Variants in ASB14 observed in about 807,000 individuals in gnomAD.
ASB14 encodes the protein ankyrin repeat and SOCS box protein 14.
ASB14 carries 63 observed loss-of-function variants against 55.6 expected under a neutral mutation model. The observed-to-expected ratio is 1.13, with a 90% confidence interval of 0.92 to 1.40. ASB14 has a LOEUF of 1.40. Ranked by LOEUF, ASB14 falls within the 40% of genes most tolerant of loss-of-function variation. The pLI, the probability that ASB14 is intolerant of heterozygous loss-of-function variation, is 0.00. For synonymous variants in ASB14, 256 were observed against 259.9 expected, an observed-to-expected ratio of 0.98 and a Z score of 0.15; for missense variants, 724 against 710.4, an observed-to-expected ratio of 1.02 and a Z score of -0.22.
chr3:57,278,274 TCAAC>T (rs1323202903), intron 8 of ASB14, 99 bp downstream of exon 8: 19 of 855,160 alleles, frequency 2.2e-5, no homozygotes, highest in Middle Eastern at 2.6e-4. Flanking sequence ...TAGGATCTCT[TCAAC>T]CAAGCCTCTG....
intron 2 of ASB14, 95 bp downstream of exon 2, chr3:57,291,817 C>G (rs889329256): frequency 3.1e-5 from 34 of 1,098,364 alleles, no homozygotes; most frequent in Non-Finnish European, 4.0e-5. Flanking sequence ...TTCTGACCCT[C>G]CTGTTTTTGT....
rs2060918591 is a variant in ASB14, at chr3:57,269,342, G to C, written c.*299C>G. 2.0e-6 allele frequency: 1 copy of C among 491,866 alleles called. No homozygotes were observed. Among genetic ancestry groups the C allele is most frequent in the Non-Finnish European group, 3.5e-6 (1 of 282,060 alleles). 30.5% of individuals were successfully genotyped at this position (491,866 alleles called of 1,614,324 possible). On this transcript the variant is annotated 3_prime_UTR_variant, in exon 11 of 11. Transcript: ENST00000487349. The stretch of plus-strand genomic sequence containing the variant: ...TAAAATATTAGATTTTAGTTTGAAT[G>C]CTGGCTTTTATAGGATGGTGCCAAA...
rs745897762 is a variant in ASB14, at chr3:57,276,670, C to T, written c.1644G>A (p.Arg548=). ...CRLKIRKCMG[R]LHLRCPVFMS... is the part of the protein sequence containing the mutation. ...TGAAGACAGGGCAGCGCAAATGTAACCGTCCCATGCATTTCCGGATCTTTA... is the reference window on the plus strand; with the variant it reads ...TGAAGACAGGGCAGCGCAAATGTAATCGTCCCATGCATTTCCGGATCTTTA... The change falls in exon 10 of 11, where the codon CGG becomes CGA. Residue 548 remains arginine (R), a synonymous_variant. Transcript: ENST00000487349. 6.2e-6 allele frequency: 10 copies of T among 1,613,986 alleles called. No homozygotes were observed. Among genetic ancestry groups the T allele is most frequent in the African/African-American group, 1.3e-5 (1 of 75,022 alleles).
At chr3:57,277,977 G>C in intron 8 of ASB14, 57 bp from the exon 9 acceptor site, 2 of 1,458,380 alleles carry the variant, frequency 1.4e-6, no homozygotes, top group Non-Finnish European at 1.9e-6. Flanking sequence ...AGTATCTATG[G>C]TTTAGCATAG....
chr3:57,283,250 AGAG>A lies in ASB14; in HGVS notation c.656_658del (p.Pro219del), dbSNP rs2061052763. The stretch of plus-strand genomic sequence containing the variant: ...GTGTCCACTTTGGGCAGCAAGAGCA[AGAG>A]GAGTGAATCCATACGTGCTCTGTGG... On this transcript the variant is annotated inframe_deletion, in exon 6 of 11. Transcript: ENST00000487349. 2 of 1,552,094 alleles carry A rather than the reference AGAG, an allele frequency of 1.3e-6. No individual in the cohort carries two copies. Among genetic ancestry groups the A allele is most frequent in the African/African-American group, 2.7e-5 (2 of 73,178 alleles).
Position 57,269,624 on chromosome 3 carries a change from C to A in ASB14, c.*23-6G>T, listed in dbSNP as rs2060921269. The A allele has an allele frequency of 3.7e-6, 6 of 1,614,000 alleles. No homozygotes were observed. Among genetic ancestry groups the A allele is most frequent in the Non-Finnish European group, 3.4e-6 (4 of 1,179,974 alleles). ...GTGAGGGGCAGTTTGTTGTCCTTAG[C>A]AGTAGCCAGTCAGAAGAGAGTGATT... On this transcript the variant is annotated splice_region_variant and splice_polypyrimidine_tract_variant and intron_variant, in intron 10 of 10. Transcript: ENST00000487349.
rs1018152149 is a variant in ASB14, at chr3:57,283,268, G to C, written c.641C>G (p.Thr214Arg). 2 of 1,551,836 alleles carry C rather than the reference G, an allele frequency of 1.3e-6. No individual in the cohort carries two copies. Among genetic ancestry groups the C allele is most frequent in the Non-Finnish European group, 1.7e-6 (2 of 1,147,022 alleles). Residue 214 changes from threonine (T) to arginine (R), a missense_variant, in exon 6 of 11, where the codon ACG becomes AGG. Coordinates refer to ENST00000487349, the MANE Select transcript of ASB14 (RefSeq NM_001142733.3). ...VSGAHPDPQS[T>R]YGFTPLALAA... ...AAGAGCAAGAGGAGTGAATCCATAC[G>C]TGCTCTGTGGGTCAGGGTGTGCCCC...
At chr3:57,286,390 ATTAT>A (rs1278553140) in intron 5 of ASB14, among the ~76,000 whole-genome samples, 4 of 151,978 alleles carry the variant, frequency 2.6e-5, no homozygotes, top group African/African-American at 4.8e-5. Flanking sequence ...GTATCCTTGA[ATTAT>A]TTATTTCTAC....
chr3:57,277,676 C>T, intron 9 of ASB14, 91 bp downstream of exon 9: 1 of 1,173,268 alleles, frequency 8.5e-7, no homozygotes, highest in Non-Finnish European at 1.2e-6. Flanking sequence ...AGCTTTTAAC[C>T]AGAAGAGAAG....
At position 57,280,290 on chromosome 3, in the gene ASB14, A is replaced by G; in HGVS notation, c.887+12T>C. The G allele has an allele frequency of 6.6e-7, 1 of 1,525,676 alleles. No homozygotes were observed. The highest frequency in any genetic ancestry group is 1.4e-5 in the African/African-American group (1 of 72,420). 94.5% of individuals were successfully genotyped at this position (1,525,676 alleles called of 1,614,324 possible). A position where few individuals can be genotyped will look rare whatever the true frequency, so the allele number is the denominator to read the frequency against. The stretch of plus-strand genomic sequence containing the variant: ...TGTTTTTATTATTTATAATAATGTA[A>G]TTGAACTTAACAGTAAGTGGCCCCT... On this transcript the variant is annotated intron_variant, in intron 7 of 10. Transcript: ENST00000487349.
At chr3:57,277,136 G>A (rs1371503728) in intron 9 of ASB14, among the ~76,000 whole-genome samples, 1 of 152,020 alleles carries the variant, frequency 6.6e-6, no homozygotes, top group Admixed American at 6.6e-5. Context: ...CGTGGTGACT[G>A]CATGCCTGTA....
At chr3:57,291,061 T>C (rs905127497) in intron 2 of ASB14, among the ~76,000 whole-genome samples, 1 of 152,182 alleles carries the variant, frequency 6.6e-6, no homozygotes, top group Non-Finnish European at 1.5e-5. Context: ...ACCTACCTCA[T>C]AGAGAGGTAA....
chr3:57,278,911 C>G lies in ASB14; in HGVS notation c.897G>C (p.Lys299Asn). The change falls in exon 8 of 11, where the codon AAG (lysine) becomes AAC (asparagine). Residue 299 changes from lysine to asparagine, a missense_variant. Transcript: ENST00000487349. Reference sequence around the variant, plus strand: ...CAAGATCCGTAACTGGAATCAGTATCTTTAGAGCTCTGAGAAAGAATTTCA... The same window carrying G: ...CAAGATCCGTAACTGGAATCAGTATGTTTAGAGCTCTGAGAAAGAATTTCA... The part of the protein sequence containing the change: ...AADRGHLLAL[K>N]ILIPVTDLAA... 1 of 1,608,578 alleles carries G rather than the reference C, an allele frequency of 6.2e-7. No homozygotes were observed. Among genetic ancestry groups the G allele is most frequent in the East Asian group, 2.2e-5 (1 of 44,702 alleles).
chr3:57,278,007 G>T, intron 8 of ASB14, 87 bp from the exon 9 acceptor site: 1 of 1,242,408 alleles, frequency 8.0e-7, no homozygotes, highest in Non-Finnish European at 1.1e-6. Flanking sequence ...GAGATGTGGT[G>T]TGATGAAAGC....
At chr3:57,285,383 G>A (rs1268967209) in intron 5 of ASB14, among the ~76,000 whole-genome samples, 5 of 151,926 alleles carry the variant, frequency 3.3e-5, no homozygotes, top group East Asian at 1.9e-4. Context: ...CTTCATGCCC[G>A]TGTCTCTAAG....
intron 6 of ASB14, 119 bp downstream of exon 6, chr3:57,283,075 T>C (rs2061051353): frequency 7.4e-7 from 1 of 1,347,512 alleles, no homozygotes; most frequent in African/African-American, 1.5e-5. Context: ...ATAATTTTTA[T>C]CAAACATTTA....
rs1258653076 is a variant in ASB14 at position 57,283,367 on chromosome 3, G to C, written c.542C>G (p.Ala181Gly). ...TTCGTGGAGAGCTGTCCTCTCGTTG[G>C]CACAACGCAGATTGACATCTGCTCC... is the stretch of plus-strand genomic sequence containing the variant. The part of the protein sequence containing the change: ...NYGADVNLRC[A>G]NERTALHEAA... The change falls in exon 6 of 11, where the codon GCC becomes GGC. Residue 181 changes from alanine to glycine, a missense_variant. Ala to Gly is a moderately conservative substitution (Grantham distance 60). Coordinates refer to ENST00000487349, the MANE Select transcript of ASB14 (RefSeq NM_001142733.3). 1 of 1,551,354 alleles carries C rather than the reference G, an allele frequency of 6.4e-7. No individual in the cohort carries two copies. The highest frequency in any genetic ancestry group is 2.4e-5 in the East Asian group (1 of 40,922).
At chr3:57,273,695 C>T (rs879513517) in intron 10 of ASB14, among the ~76,000 whole-genome samples, 1 of 152,072 alleles carries the variant, frequency 6.6e-6, no homozygotes, top group Non-Finnish European at 1.5e-5. Context: ...AAAAAGACTT[C>T]ATTAATTGAC....
At chr3:57,290,311 C>T (rs574440469) in intron 2 of ASB14, among the ~76,000 whole-genome samples, 1 of 152,246 alleles carries the variant, frequency 6.6e-6, no homozygotes, top group Non-Finnish European at 1.5e-5. Flanking sequence ...GGCTGGTGGA[C>T]TCTCTGCCTC....
Sources: gnomAD v4.1 joint callset for allele counts (sites outside exome capture counted in the v4.1 genomes callset) on GRCh38, gnomAD v4.1.1 for gene constraint, MANE v1.5 for transcripts, NCBI Gene and HGNC (gene_info 2026-07-23, HGNC 2026-07-21) for gene names.